KLF12: variants seen among roughly 807,000 people sequenced by gnomAD.
The protein encoded by KLF12 is KLF transcription factor 12.
In KLF12, 9 loss-of-function variants were observed where a neutral mutation model predicts 37.8. The observed-to-expected ratio is 0.24, with a 90% CI of 0.14 to 0.42. KLF12 has a LOEUF of 0.42. KLF12 is among the 10% of genes least tolerant of loss of function. KLF12 has a pLI of 1.00. For synonymous variants in KLF12, 208 were observed against 202.1 expected, an observed-to-expected ratio of 1.03 and a Z score of -0.25; for missense variants, 411 against 516.0, an observed-to-expected ratio of 0.80 and a Z score of 1.97.
intron 6 of KLF12, among the ~76,000 whole-genome samples, chr13:73,730,068 T>G (rs964953819): frequency 2.3e-4 from 35 of 152,266 alleles, no homozygotes; most frequent in African/African-American, 8.2e-4. Context: ...GAGCACCTTC[T>G]TCAAAAACTA....
intron 4 of KLF12, among the ~76,000 whole-genome samples, chr13:73,818,589 C>T (rs1308337808): frequency 1.3e-5 from 2 of 152,246 alleles, no homozygotes; most frequent in African/African-American, 2.4e-5. Context: ...TGCCTATGCA[C>T]CCACTCTTAA....
At chr13:74,243,661 A>G in the KLF12 span, among the ~76,000 whole-genome samples, 1 of 152,092 alleles carries the variant, frequency 6.6e-6, no homozygotes, top group Non-Finnish European at 1.5e-5. Flanking sequence ...CTGGCATGAG[A>G]TGGTATCTCA....
intron 6 of KLF12, among the ~76,000 whole-genome samples, chr13:73,727,369 G>A (rs187446067): frequency 8.5e-5 from 13 of 152,198 alleles, no homozygotes; most frequent in East Asian, 3.9e-4. Flanking sequence ...TCATTTTTGC[G>A]TATGGTATAA....
intron 1 of KLF12, among the ~76,000 whole-genome samples, chr13:73,996,419 C>A (rs906642500): frequency 6.6e-6 from 1 of 152,206 alleles, no homozygotes; most frequent in Non-Finnish European, 1.5e-5. Flanking sequence ...TATATCTAAT[C>A]CAATCGGTTC....
intron 6 of KLF12, among the ~76,000 whole-genome samples, chr13:73,741,963 A>G (rs1425121285): frequency 6.6e-6 from 1 of 152,150 alleles, no homozygotes; most frequent in Non-Finnish European, 1.5e-5. Flanking sequence ...TACAACAAAG[A>G]TCACCAACTG....
chr13:73,797,588 A>G (rs1451483116), intron 5 of KLF12, among the ~76,000 whole-genome samples: 1 of 152,018 alleles, frequency 6.6e-6, no homozygotes, highest in Non-Finnish European at 1.5e-5. Flanking sequence ...TGGACAACAC[A>G]GCAAAACCCC....
chr13:73,844,490 G>A (rs192342583), intron 4 of KLF12, among the ~76,000 whole-genome samples: 7 of 152,308 alleles, frequency 4.6e-5, no homozygotes, highest in African/African-American at 1.7e-4. Flanking sequence ...TAAGCAACGA[G>A]TGTCTGCATC....
At chr13:74,285,644 C>T in the KLF12 span, among the ~76,000 whole-genome samples, 1 of 152,144 alleles carries the variant, frequency 6.6e-6, no homozygotes, top group Admixed American at 6.5e-5. Context: ...TAGTTACCAT[C>T]CATAGCAGAA....
At chr13:73,807,694 G>A (rs186704027) in intron 5 of KLF12, among the ~76,000 whole-genome samples, 4 of 152,254 alleles carry the variant, frequency 2.6e-5, no homozygotes, top group Admixed American at 1.3e-4. Flanking sequence ...ACTAAGCTAT[G>A]GAGTAAGTTA....
chr13:73,794,068 A>G (rs1881830625), intron 5 of KLF12, among the ~76,000 whole-genome samples: 1 of 152,220 alleles, frequency 6.6e-6, no homozygotes, highest in African/African-American at 2.4e-5. Flanking sequence ...AAGGTGAGGC[A>G]ACACTTCCAG....
intron 7 of KLF12, among the ~76,000 whole-genome samples, chr13:73,700,916 G>C (rs142279316): frequency 3.5e-4 from 53 of 152,234 alleles, no homozygotes; most frequent in African/African-American, 1.1e-3. Context: ...CATTAAGACA[G>C]CAGAAACTAA....
At chr13:74,031,791 T>C (rs1479967064) in intron 1 of KLF12, among the ~76,000 whole-genome samples, 1 of 65,632 alleles carries the variant, frequency 1.5e-5, no homozygotes, top group Non-Finnish European at 3.2e-5. Context: ...TTCCAACAAA[T>C]ACAAATCTGA....
chr13:73,726,401 A>G, intron 6 of KLF12, among the ~76,000 whole-genome samples: 1 of 152,198 alleles, frequency 6.6e-6, no homozygotes, highest in Non-Finnish European at 1.5e-5. Flanking sequence ...AAACATTTTC[A>G]TCACCCCAAA....
the KLF12 span, among the ~76,000 whole-genome samples, chr13:74,292,392 T>G: frequency 1.3e-5 from 2 of 152,238 alleles, no homozygotes; most frequent in African/African-American, 4.8e-5. Context: ...TGAGACTGAA[T>G]AAAGTATATA....
chr13:74,275,867 TA>T, the KLF12 span, among the ~76,000 whole-genome samples: 1,116 of 78,570 alleles, frequency 0.014, 8 homozygotes, highest in South Asian at 0.018. Flanking sequence ...TCTTTCTTTC[TA>T]TCTTTCTTTC....
chr13:73,746,243 C>T (rs951480640), intron 6 of KLF12, among the ~76,000 whole-genome samples: 1 of 152,106 alleles, frequency 6.6e-6, no homozygotes, highest in Non-Finnish European at 1.5e-5. Context: ...TTAAAACTTA[C>T]AAATGAAATG....
intron 1 of KLF12, among the ~76,000 whole-genome samples, chr13:74,065,757 A>T (rs187726129): frequency 1.3e-5 from 2 of 152,090 alleles, no homozygotes; most frequent in East Asian, 3.9e-4. Flanking sequence ...CGCAACTACA[A>T]AGTGTGACCT....
chr13:74,102,427 G>A (rs1485924803), intron 1 of KLF12, among the ~76,000 whole-genome samples: 2 of 152,060 alleles, frequency 1.3e-5, no homozygotes, highest in African/African-American at 4.8e-5. Flanking sequence ...GCTGGGCGCA[G>A]TGGCTCATAC....
intron 2 of KLF12, among the ~76,000 whole-genome samples, chr13:73,974,605 G>A (rs1891454488): frequency 1.3e-5 from 2 of 152,170 alleles, no homozygotes; most frequent in Non-Finnish European, 2.9e-5. Flanking sequence ...GTCATTAACA[G>A]AGACGCTATG....
Sources: gnomAD v4.1 joint callset for allele counts (sites outside exome capture counted in the v4.1 genomes callset) on GRCh38, gnomAD v4.1.1 for gene constraint, MANE v1.5 for transcripts, NCBI Gene and HGNC (gene_info 2026-07-23, HGNC 2026-07-21) for gene names.